Variants in CACNA1B observed in about 807,000 individuals in gnomAD.
CACNA1B encodes the protein calcium voltage-gated channel subunit alpha1 B, also known as voltage-dependent N-type calcium channel subunit alpha-1B.
In CACNA1B, 70 loss-of-function variants were observed where a neutral mutation model predicts 247.2. That is an observed-to-expected ratio of 0.28 (90% CI 0.23 to 0.35). The LOEUF (loss-of-function observed/expected upper bound fraction) is 0.35, where lower values mean the gene tolerates loss of function less well. CACNA1B is among the 10% of genes least tolerant of loss of function. CACNA1B has a pLI of 1.00. For missense variants in CACNA1B, 2,367 were observed against 3,197.4 expected (o/e 0.74, Z 6.26); for synonymous variants, 1,231 against 1,294.4 (o/e 0.95, Z 1.05).
At chr9:137,984,080 C>A in intron 12 of CACNA1B, 58 bp from the exon 13 acceptor site, 1 of 1,224,332 alleles carries the variant, frequency 8.2e-7, no homozygotes, top group Non-Finnish European at 1.2e-6. Context: ...CACACACATC[C>A]ATCTGCATGC....
chr9:138,123,095 G>A lies in CACNA1B; in HGVS notation c.*1096G>A, dbSNP rs1481961634. 1 of 152,266 alleles carries A rather than the reference G, an allele frequency of 6.6e-6. No homozygotes were observed. Among genetic ancestry groups the A allele is most frequent in the Non-Finnish European group, 1.5e-5 (1 of 68,052 alleles). The allele number at this position is 152,266 out of a possible 1,614,324, so 9.4% of individuals were successfully genotyped here. On this transcript the variant is annotated 3_prime_UTR_variant, in exon 47 of 47. Transcript: ENST00000371372. The stretch of plus-strand genomic sequence containing the variant: ...AGTCTGTTCTGCATATGATTCTCAG[G>A]GCACACTCTGTGGTATGTGAAATAG...
intron 35 of CACNA1B, among the ~76,000 whole-genome samples, chr9:138,077,550 C>T (rs758382263): frequency 3.3e-5 from 5 of 152,194 alleles, no homozygotes; most frequent in Non-Finnish European, 1.5e-5. Flanking sequence ...GTGATCTGAC[C>T]TGTGCTTAGT....
In CACNA1B at chr9:137,891,977, A is replaced by T. The variant is rs1296586437; in HGVS notation, c.530+9094A>T. ...CCCTCCCTGTCTCCCCTGAGAGCAC[A>T]GGAGCCTGGTGAAAAGGGCCTTGCG... On this transcript the variant is annotated intron_variant, in intron 3 of 46. Transcript: ENST00000371372. The surrounding 1 kb of genome is among the most constrained non-coding windows in gnomAD (Gnocchi z 4.3). The T allele has an allele frequency of 2.2e-6, 1 of 450,136 alleles. No homozygotes were observed. The allele number at this position is 450,136 out of a possible 1,614,324, so 27.9% of individuals were successfully genotyped here.
At position 138,101,687 on chromosome 9, in the gene CACNA1B, G is replaced by A. The variant is rs562950634; in HGVS notation, c.5223-1024G>A. On this transcript the variant is annotated intron_variant, in intron 37 of 46. Transcript: ENST00000371372. ...GCAGAGTGGGGGCCAAAGACAAGCC[G>A]TCCTGCTTTGCCTCTGGAGTGATGC... Among the ~76,000 whole-genome samples the A allele has an allele frequency of 2.6e-5, 4 of 152,364 alleles. No homozygotes were observed. The East Asian group carries it at 5.8e-4, about 22-fold the overall frequency.
At chr9:138,065,601 G>A (rs1360809205) in intron 31 of CACNA1B, among the ~76,000 whole-genome samples, 1 of 152,202 alleles carries the variant, frequency 6.6e-6, no homozygotes. Context: ...TGGAGCATGA[G>A]AGACTTGTGG....
chr9:138,111,193 A>G (rs899282263), intron 39 of CACNA1B, among the ~76,000 whole-genome samples: 3 of 152,222 alleles, frequency 2.0e-5, no homozygotes, highest in African/African-American at 7.2e-5. Context: ...CATCCACACA[A>G]TCTATGTGCA....
chr9:138,000,255 C>A (rs1035084211), intron 15 of CACNA1B, among the ~76,000 whole-genome samples: 1 of 151,912 alleles, frequency 6.6e-6, no homozygotes, highest in Non-Finnish European at 1.5e-5. Context: ...CCCGCCACTA[C>A]GCCCGGCTAA....
chr9:138,023,515 G>T lies in CACNA1B; in HGVS notation c.2772G>T (p.Pro924=). The T allele has an allele frequency of 9.3e-7, 1 of 1,075,456 alleles. No homozygotes were observed. The highest frequency in any genetic ancestry group is 1.1e-6 in the Non-Finnish European group (1 of 891,278). The allele number at this position is 1,075,456 out of a possible 1,614,324, so 66.6% of individuals were successfully genotyped here. Residue 924 remains proline (P), a synonymous_variant, in exon 19 of 47, where the codon CCG becomes CCT. Transcript: ENST00000371372. ...GGRRHHRRGS[P]EEAAEREPRR... ...GGCGGCACCACCGGCGCGGCTCCCC[G>T]GAGGAGGCGGCCGAGCGGGAGCCCC...
chr9:138,117,896 C>T lies in CACNA1B; in HGVS notation c.5778-50C>T, dbSNP rs1309917412. 4 of 1,463,954 alleles carry T rather than the reference C, an allele frequency of 2.7e-6. No homozygotes were observed. In the South Asian group the frequency reaches 5.7e-5, roughly 21 times the overall value. 90.7% of individuals were successfully genotyped at this position (1,463,954 alleles called of 1,614,324 possible). ...TTGAAGCACCAGGCTATTGGTAAGG[C>T]ACCTGCAGTCTCTGACCCTACAGGA... is the stretch of plus-strand genomic sequence containing the variant. On this transcript the variant is annotated intron_variant, in intron 42 of 46. Coordinates refer to ENST00000371372, the MANE Select transcript of CACNA1B (RefSeq NM_000718.4).
chr9:138,015,797 G>A (rs1339427953), intron 18 of CACNA1B, among the ~76,000 whole-genome samples: 1 of 152,210 alleles, frequency 6.6e-6, no homozygotes, highest in South Asian at 2.1e-4. Flanking sequence ...TGCTTGAAGG[G>A]ACACTAAGGT....
intron 15 of CACNA1B, among the ~76,000 whole-genome samples, chr9:138,004,259 A>G (rs1958618643): frequency 6.6e-6 from 1 of 152,182 alleles, no homozygotes; most frequent in South Asian, 2.1e-4. Flanking sequence ...ATGTATCAAC[A>G]TGGAGAGCCG....
rs954299885 is a variant in CACNA1B, at chr9:138,007,084, G to T, written c.2092+200G>T. On this transcript the variant is annotated intron_variant, in intron 16 of 46. Transcript: ENST00000371372. This position sits in a 1 kb window ranked among gnomAD's most constrained non-coding sequence, Gnocchi z 4.1. ...AGGCTTTGGGACTCAGCTTGAGGGA[G>T]CATGAGCTGCTGCGTGTGGGGGTAT... 2.6e-5 allele frequency among the ~76,000 whole-genome samples: 4 copies of T among 151,936 alleles called. No individual in the cohort carries two copies. The highest frequency in any genetic ancestry group is 5.9e-5 in the Non-Finnish European group (4 of 68,010).
intron 18 of CACNA1B, among the ~76,000 whole-genome samples, chr9:138,016,700 C>T (rs572209209): frequency 1.2e-3 from 189 of 151,960 alleles, no homozygotes; most frequent in African/African-American, 4.3e-3. Context: ...GGGGCACCCT[C>T]GCCTCCTTTG....
chr9:138,025,385 C>A (rs1358679408), intron 20 of CACNA1B, among the ~76,000 whole-genome samples: 2 of 152,246 alleles, frequency 1.3e-5, no homozygotes, highest in African/African-American at 4.8e-5. Flanking sequence ...GAGCTCCATT[C>A]TCCTTCCTTC....
At chr9:137,937,757 C>A (rs1000193905) in intron 6 of CACNA1B, among the ~76,000 whole-genome samples, 1 of 151,786 alleles carries the variant, frequency 6.6e-6, no homozygotes, top group Non-Finnish European at 1.5e-5. Flanking sequence ...ACCAGCCTGA[C>A]CAACATGGAG....
At chr9:137,925,997 G>A (rs540885765) in intron 6 of CACNA1B, among the ~76,000 whole-genome samples, 20 of 143,300 alleles carry the variant, frequency 1.4e-4, no homozygotes, top group East Asian at 1.0e-3. Flanking sequence ...CTCATGATCC[G>A]CCCACCTCGG....
In CACNA1B at chr9:137,982,589, A is replaced by G. The variant is rs540454089; in HGVS notation, c.1657-1549A>G. Among the ~76,000 whole-genome samples, 20 of 152,364 alleles carry G rather than the reference A, an allele frequency of 1.3e-4. No homozygotes were observed. In the South Asian group the frequency reaches 4.1e-3, roughly 32 times the overall value. On this transcript the variant is annotated intron_variant, in intron 12 of 46. Coordinates refer to ENST00000371372, the MANE Select transcript of CACNA1B (RefSeq NM_000718.4). ...GGCCATCTTAGAGGCTGCCTACTAC[A>G]TGAACCAGTGAGGACAAATTTTGAT...
Position 137,913,175 on chromosome 9 carries a change from G to C in CACNA1B, c.531-5G>C. The C allele has an allele frequency of 6.2e-7, 1 of 1,613,112 alleles. No homozygotes were observed. The highest frequency in any genetic ancestry group is 8.5e-7 in the Non-Finnish European group (1 of 1,179,190). On this transcript the variant is annotated splice_polypyrimidine_tract_variant and splice_region_variant and intron_variant, in intron 3 of 46. Transcript: ENST00000371372. This position sits in a 1 kb window ranked among gnomAD's most constrained non-coding sequence, Gnocchi z 5.2. ...TACTTCCCTTCTTCTCCTTGTTTCT[G>C]CCAGGATCCTTGCCACGGCTGGAAC...
At chr9:138,019,644 C>CCCTG (rs140872371) in intron 18 of CACNA1B, among the ~76,000 whole-genome samples, 2,680 of 151,924 alleles carry the variant, frequency 0.018, 96 homozygotes, top group African/African-American at 0.061. Flanking sequence ...CCCCTGCCGC[C>CCCTG]CCCGCCCTGC....
Sources: allele counts gnomAD v4.1 joint callset (sites outside exome capture counted in the v4.1 genomes callset), GRCh38; gene constraint gnomAD v4.1.1; non-coding constraint Gnocchi (gnomAD v3.1); transcripts MANE v1.5; gene names NCBI Gene and HGNC (gene_info 2026-07-23, HGNC 2026-07-21).